Variants in PCDH15 observed in about 807,000 individuals in gnomAD.
PCDH15 encodes protocadherin related 15.
Under a neutral mutation model 178.5 loss-of-function variants are expected in PCDH15, and 129 were observed. That is an observed-to-expected ratio of 0.72 (90% CI 0.63 to 0.84). PCDH15 has a LOEUF of 0.84. Ranked by LOEUF, PCDH15 falls within the 40% of genes least tolerant of loss-of-function variation. The pLI, the probability that PCDH15 is intolerant of heterozygous loss-of-function variation, is 0.00. For synonymous variants in PCDH15, 800 were observed against 732.0 expected (o/e 1.09, Z -1.50); for missense variants, 2,230 against 2,099.9 (o/e 1.06, Z -1.21).
At chr10:54,203,420 G>T (rs2050453720) in intron 10 of PCDH15, among the ~76,000 whole-genome samples, 1 of 151,986 alleles carries the variant, frequency 6.6e-6, no homozygotes, top group Non-Finnish European at 1.5e-5. Flanking sequence ...TATAGTTTTG[G>T]GTGTAAGCCA....
chr10:53,831,177 C>G (rs375811921), intron 30 of PCDH15, 138 bp downstream of exon 30: 5 of 831,744 alleles, frequency 6.0e-6, no homozygotes, highest in Non-Finnish European at 1.0e-5. Flanking sequence ...TCATTTGGTA[C>G]GAGATAGACA....
At chr10:55,388,843 T>C (rs983685366) in intron 2 of PCDH15, among the ~76,000 whole-genome samples, 3 of 152,084 alleles carry the variant, frequency 2.0e-5, no homozygotes, top group Non-Finnish European at 4.4e-5. Context: ...TGGGAATATA[T>C]TAAACTTTAA....
At chr10:55,619,163 T>C (rs1374411270) in intron 2 of PCDH15, among the ~76,000 whole-genome samples, 1 of 152,028 alleles carries the variant, frequency 6.6e-6, no homozygotes, top group Non-Finnish European at 1.5e-5. Flanking sequence ...TTGGCTTATA[T>C]ACTAAAAGCA....
At chr10:54,048,992 A>G (rs1013506423) in intron 18 of PCDH15, among the ~76,000 whole-genome samples, 2 of 151,948 alleles carry the variant, frequency 1.3e-5, no homozygotes, top group African/African-American at 2.4e-5. Flanking sequence ...TAACTCTTCC[A>G]ATCCATGAGC....
intron 2 of PCDH15, among the ~76,000 whole-genome samples, chr10:54,998,077 A>G (rs1036301961): frequency 2.0e-5 from 3 of 152,172 alleles, no homozygotes; most frequent in Admixed American, 2.0e-4. Flanking sequence ...CATTCTGTAT[A>G]TAAAATGTGC....
intron 27 of PCDH15, among the ~76,000 whole-genome samples, chr10:53,861,645 C>G (rs1316149947): frequency 6.6e-6 from 1 of 152,064 alleles, no homozygotes; most frequent in African/African-American, 2.4e-5. Context: ...ACACATTTAA[C>G]CCAATATGTT....
intron 20 of PCDH15, among the ~76,000 whole-genome samples, chr10:54,007,307 T>A (rs11003998): frequency 1.3e-5 from 2 of 152,086 alleles, no homozygotes; most frequent in South Asian, 2.1e-4. Flanking sequence ...TTTACTATCA[T>A]CACAGATTCA....
At chr10:54,017,382 C>T (rs931175638) in intron 20 of PCDH15, among the ~76,000 whole-genome samples, 2 of 152,084 alleles carry the variant, frequency 1.3e-5, no homozygotes, top group African/African-American at 4.8e-5. Flanking sequence ...GACATGGAAT[C>T]GACCTAGATG....
chr10:55,559,620 T>C (rs532014879), intron 2 of PCDH15, among the ~76,000 whole-genome samples: 1 of 152,028 alleles, frequency 6.6e-6, no homozygotes, highest in East Asian at 1.9e-4. Context: ...GATATTGAAA[T>C]GTAAAAATTG....
intron 6 of PCDH15, among the ~76,000 whole-genome samples, chr10:54,337,564 C>T (rs1328920591): frequency 6.6e-6 from 1 of 152,136 alleles, no homozygotes; most frequent in African/African-American, 2.4e-5. Flanking sequence ...CGGACTAACA[C>T]AACAATAAAG....
At chr10:53,954,984 T>G (rs994956050) in intron 23 of PCDH15, among the ~76,000 whole-genome samples, 1 of 152,242 alleles carries the variant, frequency 6.6e-6, no homozygotes, top group African/African-American at 2.4e-5. Flanking sequence ...ATGTTTAATG[T>G]GCTAGGTCTT....
intron 1 of PCDH15, among the ~76,000 whole-genome samples, chr10:54,752,703 G>A (rs1362404607): frequency 9.0e-6 from 1 of 111,158 alleles, no homozygotes; most frequent in Non-Finnish European, 2.1e-5. Context: ...GGATTTGAAA[G>A]CAATGAAAGT....
intron 7 of PCDH15, among the ~76,000 whole-genome samples, chr10:54,326,300 GT>G (rs1415357261): frequency 6.6e-6 from 1 of 152,094 alleles, no homozygotes; most frequent in African/African-American, 2.4e-5. Flanking sequence ...AGTGTGATAT[GT>G]CACAACACTT....
chr10:54,670,190 C>T (rs961461674), intron 1 of PCDH15, among the ~76,000 whole-genome samples: 2 of 152,016 alleles, frequency 1.3e-5, no homozygotes, highest in African/African-American at 4.8e-5. Context: ...TTATTAAGAA[C>T]TAATCTTGCT....
chr10:55,288,122 GT>G (rs1842918436), intron 1 of PCDH15, among the ~76,000 whole-genome samples: 1 of 150,280 alleles, frequency 6.7e-6, no homozygotes, highest in South Asian at 2.1e-4. Context: ...ATATTCTTCT[GT>G]TTTTCACATT....
chr10:54,365,543 A>G (rs1946663120), intron 5 of PCDH15, among the ~76,000 whole-genome samples: 1 of 152,094 alleles, frequency 6.6e-6, no homozygotes, highest in African/African-American at 2.4e-5. Context: ...AATTCTTCAC[A>G]TGACCAAGAA....
intron 1 of PCDH15, among the ~76,000 whole-genome samples, chr10:54,720,518 C>A (rs1399731784): frequency 2.3e-4 from 34 of 149,502 alleles, no homozygotes; most frequent in African/African-American, 3.9e-4. Context: ...TAGTCTCTTC[C>A]AAAAAAAAAT....
chr10:54,622,617 T>A (rs1478615305), intron 2 of PCDH15, among the ~76,000 whole-genome samples: 933 of 45,208 alleles, frequency 0.021, 34 homozygotes, highest in African/African-American at 0.076. Flanking sequence ...TAATTATATA[T>A]AATATATATA....
At chr10:54,845,065 AG>A (rs1254914740) in intron 3 of PCDH15, among the ~76,000 whole-genome samples, 1 of 151,988 alleles carries the variant, frequency 6.6e-6, no homozygotes, top group Non-Finnish European at 1.5e-5. Flanking sequence ...ACGTTTAATA[AG>A]GGATTTTAAA....
Sources: gnomAD v4.1 joint callset for allele counts (sites outside exome capture counted in the v4.1 genomes callset) on GRCh38, gnomAD v4.1.1 for gene constraint, MANE v1.5 for transcripts, NCBI Gene and HGNC (gene_info 2026-07-23, HGNC 2026-07-21) for gene names.